The following FRMD5 variants were observed in gnomAD, a reference collection of about 807,000 sequenced individuals.
The protein encoded by FRMD5 is FERM domain containing 5, also known as FERM domain-containing protein 5.
FRMD5 carries 20 observed loss-of-function variants against 69.0 expected under a neutral mutation model. The ratio of observed to expected loss-of-function variants is 0.29; its 90% CI spans 0.20 to 0.42. The LOEUF is 0.42. FRMD5 is among the 10% of genes least tolerant of loss of function. FRMD5 has a pLI of 1.00. For missense variants in FRMD5, 595 were observed against 708.6 expected (o/e 0.84, Z 1.82); for synonymous variants, 271 against 260.1 (o/e 1.04, Z -0.40).
At chr15:44,178,182 G>A (rs1276002876) in intron 1 of FRMD5, among the ~76,000 whole-genome samples, 1 of 152,048 alleles carries the variant, frequency 6.6e-6, no homozygotes, top group Non-Finnish European at 1.5e-5. Context: ...AAATTTGCCA[G>A]GCATGGTGGT....
intron 1 of FRMD5, among the ~76,000 whole-genome samples, chr15:44,157,985 A>C (rs996509159): frequency 1.3e-5 from 2 of 152,124 alleles, no homozygotes; most frequent in Non-Finnish European, 2.9e-5. Context: ...GTTCAGTGTA[A>C]ATGGAGTGAT....
At chr15:44,018,012 T>G (rs959769025) in intron 1 of FRMD5, among the ~76,000 whole-genome samples, 5 of 152,180 alleles carry the variant, frequency 3.3e-5, no homozygotes, top group Non-Finnish European at 7.3e-5. Context: ...TTATCCTTTT[T>G]TGCTTATAAG....
In FRMD5 at chr15:43,873,408, A is replaced by C; in HGVS notation, c.*477T>G. On this transcript the variant is annotated 3_prime_UTR_variant, in exon 14 of 14. Transcript: ENST00000417257. Reference sequence around the variant, plus strand: ...CCCTGGCCTGCCCTGCTGAGGCTGCAGTGATGAGTCTACTGGAACCCAGTG... The same window carrying C: ...CCCTGGCCTGCCCTGCTGAGGCTGCCGTGATGAGTCTACTGGAACCCAGTG... 1.4e-6 allele frequency: 2 copies of C among 1,438,996 alleles called. No individual in the cohort carries two copies. Among genetic ancestry groups the C allele is most frequent in the Non-Finnish European group, 1.8e-6 (2 of 1,105,628 alleles). 89.1% of individuals were successfully genotyped at this position (1,438,996 alleles called of 1,614,324 possible).
intron 1 of FRMD5, among the ~76,000 whole-genome samples, chr15:44,052,906 G>A (rs547797583): frequency 6.6e-6 from 1 of 152,262 alleles, no homozygotes; most frequent in Non-Finnish European, 1.5e-5. Context: ...GACATAAAAT[G>A]AGACACACTC....
At chr15:43,906,065 G>A (rs2089164584) in intron 5 of FRMD5, 114 bp from the exon 6 acceptor site, 2 of 1,304,074 alleles carry the variant, frequency 1.5e-6, no homozygotes, top group East Asian at 2.4e-5. Context: ...AGATTTATAA[G>A]AAACAGTGGA....
At chr15:43,886,820 G>A (rs117812203) in intron 10 of FRMD5, among the ~76,000 whole-genome samples, 1,802 of 152,336 alleles carry the variant, frequency 0.012, 21 homozygotes, top group Non-Finnish European at 0.02. Flanking sequence ...GAGACACTGA[G>A]GGCAAGGCCA....
intron 1 of FRMD5, among the ~76,000 whole-genome samples, chr15:44,103,716 T>G (rs78826942): frequency 6.6e-6 from 1 of 152,174 alleles, no homozygotes; most frequent in Non-Finnish European, 1.5e-5. Context: ...TCTTCCCCAG[T>G]CTTGGAAAAC....
chr15:44,167,371 CA>C (rs746109735), intron 1 of FRMD5, among the ~76,000 whole-genome samples: 196 of 141,224 alleles, frequency 1.4e-3, no homozygotes, highest in African/African-American at 3.8e-3. Flanking sequence ...CTGCCTGTCT[CA>C]AAAAAAAAAA....
chr15:44,155,474 CTTAT>C (rs1000334599), intron 1 of FRMD5, among the ~76,000 whole-genome samples: 17 of 152,042 alleles, frequency 1.1e-4, no homozygotes, highest in African/African-American at 2.9e-4. Context: ...ACTCTGGAAA[CTTAT>C]TTGTTATTAT....
intron 1 of FRMD5, among the ~76,000 whole-genome samples, chr15:44,132,901 T>C (rs2077124095): frequency 6.6e-6 from 1 of 151,934 alleles, no homozygotes; most frequent in African/African-American, 2.4e-5. Flanking sequence ...TAGCTGGGAC[T>C]ACAAGTGCTT....
At chr15:44,129,073 A>G (rs2077062976) in intron 1 of FRMD5, among the ~76,000 whole-genome samples, 1 of 152,178 alleles carries the variant, frequency 6.6e-6, no homozygotes. Context: ...TTTGAAAGAG[A>G]TAATACAAAA....
chr15:44,182,967 T>C (rs2078033749), intron 1 of FRMD5, among the ~76,000 whole-genome samples: 1 of 151,700 alleles, frequency 6.6e-6, no homozygotes, highest in Admixed American at 6.6e-5. Flanking sequence ...GGCTAAATTT[T>C]TTTTTTTTTT....
In FRMD5 at chr15:43,873,343, A is replaced by AAAAAC; in HGVS notation, c.*537_*541dup. ...TTTTTTAAAAGTTCTGGCTGGCAAAAAAAACAAACAAAAAACTAAACAGTC... is the reference window on the plus strand; with the variant it reads ...TTTTTTAAAAGTTCTGGCTGGCAAAAAAAACAAAACAAACAAAAAACTAAACAGTC... On this transcript the variant is annotated 3_prime_UTR_variant, in exon 14 of 14. Transcript: ENST00000417257. The AAAAAC allele has an allele frequency of 6.8e-7, 1 of 1,476,636 alleles. No individual in the cohort carries two copies. The allele number at this position is 1,476,636 out of a possible 1,614,324, so 91.5% of individuals were successfully genotyped here.
At chr15:44,186,875 C>T (rs912396483) in intron 1 of FRMD5, among the ~76,000 whole-genome samples, 5 of 152,310 alleles carry the variant, frequency 3.3e-5, no homozygotes, top group African/African-American at 1.2e-4. Context: ...GTGTTGAGTG[C>T]TAAAAGTACA....
At chr15:43,948,750 C>T (rs1266491121) in intron 1 of FRMD5, among the ~76,000 whole-genome samples, 1 of 152,186 alleles carries the variant, frequency 6.6e-6, no homozygotes, top group South Asian at 2.1e-4. Context: ...CCGAAAAGGA[C>T]AGGCCTGTAC....
rs2090360910 is a variant in FRMD5, at chr15:43,970,655, C to A, written c.103-46346G>T. Among the ~76,000 whole-genome samples, 7 of 152,154 alleles carry A rather than the reference C, an allele frequency of 4.6e-5. No individual in the cohort carries two copies. The South Asian group carries it at 1.4e-3, about 32-fold the overall frequency. ...TACTTTTAGTAGAGGCAGGGTTTCG[C>A]CATGTTGGCCAGGCTGATCTCAAAG... On this transcript the variant is annotated intron_variant, in intron 1 of 13. Coordinates refer to ENST00000417257, the MANE Select transcript of FRMD5 (RefSeq NM_032892.5).
intron 1 of FRMD5, among the ~76,000 whole-genome samples, chr15:44,146,216 T>C (rs1012586889): frequency 1.3e-5 from 2 of 152,128 alleles, no homozygotes; most frequent in South Asian, 2.1e-4. Context: ...TGTGTTCTCA[T>C]TGTTTGGCTC....
chr15:43,885,784 G>T, intron 10 of FRMD5, 29 bp from the exon 11 acceptor site: 1 of 1,589,196 alleles, frequency 6.3e-7, no homozygotes, highest in Non-Finnish European at 8.6e-7. Flanking sequence ...CAGTGTGATA[G>T]ACAGCCTGAA....
chr15:43,996,954 TA>T (rs778447161), intron 1 of FRMD5, among the ~76,000 whole-genome samples: 1 of 152,052 alleles, frequency 6.6e-6, no homozygotes, highest in African/African-American at 2.4e-5. Flanking sequence ...GGGGGGCTTT[TA>T]AAAAAATGAT....
Sources: gnomAD v4.1 joint callset for allele counts (sites outside exome capture counted in the v4.1 genomes callset) on GRCh38, gnomAD v4.1.1 for gene constraint, MANE v1.5 for transcripts, NCBI Gene and HGNC (gene_info 2026-07-23, HGNC 2026-07-21) for gene names.